ATP11A: variants seen among roughly 807,000 people sequenced by gnomAD.
ATP11A encodes the protein phospholipid-transporting ATPase IH.
ATP11A carries 81 observed loss-of-function variants against 154.4 expected under a neutral mutation model. That is an observed-to-expected ratio of 0.52 (90% CI 0.44 to 0.63). ATP11A has a LOEUF of 0.63. ATP11A is among the 30% of genes least tolerant of loss of function. The probability of loss-of-function intolerance (pLI) is 0.00; values close to 1 mark genes in which losing one functional copy is unlikely to be tolerated. For synonymous variants in ATP11A, 623 were observed against 585.9 expected (o/e 1.06, Z -0.91); for missense variants, 1,316 against 1,474.3 (o/e 0.89, Z 1.76).
intron 18 of ATP11A, among the ~76,000 whole-genome samples, chr13:112,852,365 T>G (rs1366905851): frequency 6.6e-6 from 1 of 152,254 alleles, no homozygotes; most frequent in Non-Finnish European, 1.5e-5. Flanking sequence ...CCTTGAGTTC[T>G]CGATCTGAAT....
At chr13:112,815,135 C>T (rs78743559) in intron 5 of ATP11A, among the ~76,000 whole-genome samples, 6,962 of 152,322 alleles carry the variant, frequency 0.046, 200 homozygotes, top group South Asian at 0.073. Context: ...ATCGTTTCCC[C>T]TTCAGACATG....
chr13:112,722,770 A>C (rs1889345439), intron 1 of ATP11A, among the ~76,000 whole-genome samples: 1 of 152,226 alleles, frequency 6.6e-6, no homozygotes, highest in Non-Finnish European at 1.5e-5. Context: ...CCTGAGAACC[A>C]TCGAGGAAGT....
At position 112,875,965 on chromosome 13, in the gene ATP11A, CG is replaced by C; in HGVS notation, c.3327+29del. On this transcript the variant is annotated intron_variant, in intron 28 of 29. Coordinates refer to ENST00000375645, the MANE Select transcript of ATP11A (RefSeq NM_015205.3). The surrounding 1 kb of genome is among the most constrained non-coding windows in gnomAD (Gnocchi z 4.1). ...AGGTACGGAGTGTCCCCAGCCGGGG[CG>C]GGGGTGCCTCAGGGCCCTGGCCTTA... 1 of 1,596,404 alleles carries C rather than the reference CG, an allele frequency of 6.3e-7. No individual in the cohort carries two copies.
chr13:112,882,585 A>G lies in ATP11A; in HGVS notation c.*719A>G, dbSNP rs1354945862. ...AGTGGTTTCCCTGCGGTTACGTCCA[A>G]GCCCGCCTGCCCTGTGTGTTGGGGC... On this transcript the variant is annotated 3_prime_UTR_variant, in exon 30 of 30. Transcript: ENST00000375645. This position sits in a 1 kb window ranked among gnomAD's most constrained non-coding sequence, Gnocchi z 5.1. 1 of 409,052 alleles carries G rather than the reference A, an allele frequency of 2.4e-6. No homozygotes were observed. The highest frequency in any genetic ancestry group is 2.0e-5 in the African/African-American group (1 of 48,864). The allele number at this position is 409,052 out of a possible 1,614,324, so 25.3% of individuals were successfully genotyped here. A position where few individuals can be genotyped will look rare whatever the true frequency, so the allele number is the denominator to read the frequency against.
At chr13:112,707,459 C>A (rs991230403) in intron 1 of ATP11A, among the ~76,000 whole-genome samples, 1 of 149,572 alleles carries the variant, frequency 6.7e-6, no homozygotes, top group African/African-American at 2.5e-5. Flanking sequence ...GCAGAGGAGA[C>A]GAGGGCCTTG....
chr13:112,829,488 A>G (rs1319408113), intron 12 of ATP11A, among the ~76,000 whole-genome samples: 2 of 152,252 alleles, frequency 1.3e-5, no homozygotes, highest in African/African-American at 4.8e-5. Flanking sequence ...GATGCAGAAA[A>G]GGCATTGGAC....
At position 112,871,745 on chromosome 13, in the gene ATP11A, A is replaced by G. The variant is rs566220929; in HGVS notation, c.3002A>G (p.Asn1001Ser). 8.6e-5 allele frequency: 139 copies of G among 1,614,130 alleles called. 1 individual carries two copies. The South Asian group carries it at 1.4e-3, about 17-fold the overall frequency. Residue 1001 changes from asparagine to serine, a missense_variant, in exon 26 of 30, where the codon AAC becomes AGC. Physicochemically the swap from Asn to Ser is conservative, Grantham distance 46. This residue lies in a region of ATP11A where 294 missense variants were observed against 290.2 expected (regional missense o/e 1.01). Transcript: ENST00000375645. ...ATTTTCCCCAAACAGATATTTGGAA[A>G]CTGGACGTTTGGAACGCTGGTATTC... ...TVTSNGQIFG[N>S]WTFGTLVFTV...
chr13:112,873,865 C>T (rs2140424711), intron 27 of ATP11A, among the ~76,000 whole-genome samples, 189 bp downstream of exon 27: 1 of 152,224 alleles, frequency 6.6e-6, no homozygotes, highest in African/African-American at 2.4e-5. Flanking sequence ...GGGGTTCCTG[C>T]TCCGGTGACT....
At position 112,771,391 on chromosome 13, in the gene ATP11A, G is replaced by A. The variant is rs149492105; in HGVS notation, c.40-13744G>A. On this transcript the variant is annotated intron_variant, in intron 1 of 29. Coordinates refer to ENST00000375645, the MANE Select transcript of ATP11A (RefSeq NM_015205.3). The stretch of plus-strand genomic sequence containing the variant: ...GTGTCTCCTGGGTTCTGGGACGGGC[G>A]CAGGTGACTGTATTTGCGCTGGTGG... Among the ~76,000 whole-genome samples the A allele has an allele frequency of 4.3e-3, 660 of 152,318 alleles. 1 individual carries two copies. The highest frequency in any genetic ancestry group is 6.0e-3 in the Non-Finnish European group (409 of 68,022).
intron 2 of ATP11A, among the ~76,000 whole-genome samples, chr13:112,803,563 A>C (rs932181338): frequency 3.4e-5 from 5 of 145,248 alleles, no homozygotes; most frequent in Non-Finnish European, 7.5e-5. Context: ...TTCCAAACTC[A>C]GTGAAGGTTC....
intron 4 of ATP11A, 60 bp downstream of exon 4, chr13:112,806,353 C>T: frequency 7.5e-7 from 1 of 1,333,850 alleles, no homozygotes; most frequent in Non-Finnish European, 1.1e-6. Flanking sequence ...AATTGCCTTT[C>T]ATTCAAAGCG....
At chr13:112,881,783 T>C (rs1287871131) in intron 29 of ATP11A, 93 bp from the exon 30 acceptor site, 9 of 1,363,078 alleles carry the variant, frequency 6.6e-6, no homozygotes, top group Non-Finnish European at 8.8e-6. Flanking sequence ...TGGGTATCCC[T>C]GAGACTGACC....
At chr13:112,711,424 T>C (rs1207677010) in intron 1 of ATP11A, among the ~76,000 whole-genome samples, 2 of 151,282 alleles carry the variant, frequency 1.3e-5, no homozygotes, top group Non-Finnish European at 2.9e-5. Context: ...CTGGGCAACA[T>C]AGCAAGACCC....
intron 1 of ATP11A, among the ~76,000 whole-genome samples, chr13:112,750,733 A>G (rs4907756): frequency 0.014 from 2,116 of 152,368 alleles, 43 homozygotes; most frequent in African/African-American, 0.04. Flanking sequence ...TTGGGAGAAT[A>G]ACAAAGCCTC....
chr13:112,862,812 T>C (rs1327962192), intron 25 of ATP11A, among the ~76,000 whole-genome samples: 3 of 147,060 alleles, frequency 2.0e-5, no homozygotes. Flanking sequence ...CATCACCACC[T>C]GCGCAGTAAT....
chr13:112,780,972 C>T (rs1566471658), intron 1 of ATP11A, among the ~76,000 whole-genome samples: 1 of 152,040 alleles, frequency 6.6e-6, no homozygotes, highest in Non-Finnish European at 1.5e-5. Flanking sequence ...GAGAGCTTCC[C>T]GACTACCCGT....
chr13:112,845,499 C>G (rs1412368898), intron 17 of ATP11A, among the ~76,000 whole-genome samples: 1 of 123,158 alleles, frequency 8.1e-6, no homozygotes, highest in African/African-American at 3.8e-5. Context: ...GTGGTTCTAA[C>G]CAGTCCAGTT....
At chr13:112,691,483 G>GTGTGTGTGTGTGT (rs111354648) in intron 1 of ATP11A, among the ~76,000 whole-genome samples, 1 of 125,136 alleles carries the variant, frequency 8.0e-6, no homozygotes, top group Non-Finnish European at 1.7e-5. Context: ...AAAAAAAAAG[G>GTGTGTGTGTGTGT]GTGTGTGTGT....
chr13:112,731,940 G>T (rs1221025448), intron 1 of ATP11A, among the ~76,000 whole-genome samples: 3 of 144,882 alleles, frequency 2.1e-5, no homozygotes, highest in Non-Finnish European at 3.0e-5. Context: ...ATGGGGGCGG[G>T]GGGGGGCAGG....
Sources: allele counts gnomAD v4.1 joint callset (sites outside exome capture counted in the v4.1 genomes callset), GRCh38; gene constraint gnomAD v4.1.1; regional missense constraint gnomAD v4.1.1; non-coding constraint Gnocchi (gnomAD v3.1); transcripts MANE v1.5; gene names NCBI Gene and HGNC (gene_info 2026-07-23, HGNC 2026-07-21).